HEMK2: variants seen among roughly 807,000 people sequenced by gnomAD.
The protein encoded by HEMK2 is HemK methyltransferase 2, ETF1 glutamine and histone H4 lysine.
chr21:28,625,954 T>C, the HEMK2 span, among the ~76,000 whole-genome samples: 1 of 152,094 alleles, frequency 6.6e-6, no homozygotes, highest in Non-Finnish European at 1.5e-5. Context: ...AAAGAATTTG[T>C]CAGCATCAAT....
chr21:28,691,405 T>G, the HEMK2 span, among the ~76,000 whole-genome samples: 2 of 152,188 alleles, frequency 1.3e-5, no homozygotes, highest in African/African-American at 4.8e-5. Context: ...TCCACGTCAG[T>G]TAAAATCCTT....
At chr21:28,586,289 A>T in the HEMK2 span, among the ~76,000 whole-genome samples, 1 of 152,266 alleles carries the variant, frequency 6.6e-6, no homozygotes, top group Non-Finnish European at 1.5e-5. Flanking sequence ...ATACCACCAT[A>T]AAAAGATTGA....
At chr21:28,793,685 G>C in the HEMK2 span, among the ~76,000 whole-genome samples, 8 of 152,118 alleles carry the variant, frequency 5.3e-5, no homozygotes, top group Non-Finnish European at 1.0e-4. Context: ...ATGGGGTCTT[G>C]GTCCATATCA....
At chr21:28,616,852 T>C in the HEMK2 span, among the ~76,000 whole-genome samples, 10 of 152,154 alleles carry the variant, frequency 6.6e-5, no homozygotes, top group Non-Finnish European at 1.3e-4. Flanking sequence ...GATCTAACCA[T>C]CGTGGCAGGC....
At chr21:28,859,295 CTTTT>C in the HEMK2 span, among the ~76,000 whole-genome samples, 1 of 152,002 alleles carries the variant, frequency 6.6e-6, no homozygotes, top group Non-Finnish European at 1.5e-5. Context: ...TCCATCTGCT[CTTTT>C]TTTTCCTTAA....
At chr21:28,695,431 C>G in the HEMK2 span, among the ~76,000 whole-genome samples, 2 of 152,056 alleles carry the variant, frequency 1.3e-5, no homozygotes, top group African/African-American at 4.8e-5. Context: ...AAAGAGGAAA[C>G]ATTTAATTGA....
chr21:28,626,080 C>G, the HEMK2 span, among the ~76,000 whole-genome samples: 1 of 151,754 alleles, frequency 6.6e-6, no homozygotes, highest in Non-Finnish European at 1.5e-5. Flanking sequence ...ATAACAAATA[C>G]ATTTTTATTG....
chr21:28,827,896 T>C, the HEMK2 span, among the ~76,000 whole-genome samples: 1 of 152,250 alleles, frequency 6.6e-6, no homozygotes, highest in African/African-American at 2.4e-5. Context: ...CTGCAATTTA[T>C]TGAAAACTTG....
chr21:28,706,264 A>G, the HEMK2 span, among the ~76,000 whole-genome samples: 6 of 152,354 alleles, frequency 3.9e-5, 1 homozygote, highest in South Asian at 8.3e-4. Flanking sequence ...TTGAGCATTC[A>G]GAAGTAGACA....
chr21:28,821,490 T>C, the HEMK2 span, among the ~76,000 whole-genome samples: 4 of 152,214 alleles, frequency 2.6e-5, no homozygotes, highest in Non-Finnish European at 2.9e-5. Flanking sequence ...CTTCCCTAGT[T>C]TGAGGAATTT....
chr21:28,706,541 C>T, the HEMK2 span, among the ~76,000 whole-genome samples: 1 of 152,100 alleles, frequency 6.6e-6, no homozygotes, highest in Non-Finnish European at 1.5e-5. Flanking sequence ...ATTTCTTTAC[C>T]TCTTCAGTTT....
At chr21:28,840,271 A>G in the HEMK2 span, among the ~76,000 whole-genome samples, 1 of 152,230 alleles carries the variant, frequency 6.6e-6, no homozygotes, top group African/African-American at 2.4e-5. Context: ...TCTAGAAGAT[A>G]ACATTGGAAA....
the HEMK2 span, among the ~76,000 whole-genome samples, chr21:28,620,033 T>C: frequency 1.6e-3 from 248 of 152,304 alleles, 1 homozygote; most frequent in Admixed American, 0.014. Context: ...CCTTTATTTA[T>C]TTCTCTTGCC....
the HEMK2 span, among the ~76,000 whole-genome samples, chr21:28,825,634 G>C: frequency 1.3e-5 from 2 of 152,220 alleles, no homozygotes; most frequent in South Asian, 4.1e-4. Flanking sequence ...GCAAGGTGTG[G>C]TGTTGGCCTT....
At chr21:28,882,263 A>C in the HEMK2 span, 2 of 1,598,534 alleles carry the variant, frequency 1.3e-6, no homozygotes, top group Non-Finnish European at 1.7e-6. Flanking sequence ...ATAAACAGAA[A>C]TGGAAGGAAA....
At chr21:28,793,467 AC>A in the HEMK2 span, among the ~76,000 whole-genome samples, 1 of 43,288 alleles carries the variant, frequency 2.3e-5, no homozygotes, top group African/African-American at 3.9e-4. Context: ...ACTTCACTTC[AC>A]GATTCTGTCA....
At chr21:28,581,613 T>C in the HEMK2 span, among the ~76,000 whole-genome samples, 3 of 152,204 alleles carry the variant, frequency 2.0e-5, no homozygotes, top group African/African-American at 7.2e-5. Context: ...AATTTCTCCC[T>C]AACTCAAGAT....
chr21:28,595,666 G>T, the HEMK2 span, among the ~76,000 whole-genome samples: 1 of 152,124 alleles, frequency 6.6e-6, no homozygotes, highest in South Asian at 2.1e-4. Context: ...TCGATATGTT[G>T]ATTTCCTTTC....
chr21:28,858,067 C>T, the HEMK2 span, among the ~76,000 whole-genome samples: 1 of 152,222 alleles, frequency 6.6e-6, no homozygotes, highest in East Asian at 1.9e-4. Flanking sequence ...AACAAAACAG[C>T]TGCAAGGTTC....
Sources: allele counts gnomAD v4.1 joint callset (sites outside exome capture counted in the v4.1 genomes callset), GRCh38; gene constraint gnomAD v4.1.1; transcripts MANE v1.5; gene names NCBI Gene and HGNC (gene_info 2026-07-23, HGNC 2026-07-21).